Variants in STAU2 observed in about 807,000 individuals in gnomAD.
The protein encoded by STAU2 is staufen double-stranded RNA binding protein 2, also known as double-stranded RNA-binding protein Staufen homolog 2.
Under a neutral mutation model 65.9 loss-of-function variants are expected in STAU2, and 20 were observed. The observed-to-expected ratio is 0.30, with a 90% confidence interval of 0.21 to 0.44. The LOEUF is 0.44. Among genes scored for constraint, STAU2 ranks in the 20% least tolerant of loss-of-function variants. The pLI is 1.00. For synonymous variants in STAU2, 232 were observed against 233.9 expected, an observed-to-expected ratio of 0.99 and a Z score of 0.07; for missense variants, 558 against 683.9, an observed-to-expected ratio of 0.82 and a Z score of 2.05.
chr8:73,458,298 T>G (rs1175335927), intron 13 of STAU2, among the ~76,000 whole-genome samples: 2 of 152,246 alleles, frequency 1.3e-5, no homozygotes, highest in East Asian at 1.9e-4. Context: ...ATCTCATGGT[T>G]TCCACTTTGA....
intron 11 of STAU2, among the ~76,000 whole-genome samples, chr8:73,584,665 T>C (rs1810236661): frequency 6.6e-6 from 1 of 151,824 alleles, no homozygotes; most frequent in South Asian, 2.1e-4. Context: ...AAGAAAGGAA[T>C]GAGCAAAAAA....
intron 6 of STAU2, among the ~76,000 whole-genome samples, chr8:73,647,958 A>G (rs1458967566): frequency 1.3e-5 from 2 of 152,180 alleles, no homozygotes; most frequent in East Asian, 3.8e-4. Flanking sequence ...CAACACATAC[A>G]TTTACCAATG....
chr8:73,574,318 C>T (rs571756908), intron 12 of STAU2, among the ~76,000 whole-genome samples: 12 of 152,274 alleles, frequency 7.9e-5, no homozygotes, highest in African/African-American at 2.4e-4. Context: ...GGACTGTAAA[C>T]TAGTTCAACC....
At position 73,613,764 on chromosome 8, in the gene STAU2, G is replaced by GT; in HGVS notation, c.870dup (p.Arg291ThrfsTer3). The GT allele has an allele frequency of 6.2e-7, 1 of 1,611,062 alleles. No homozygotes were observed. On this transcript the variant is annotated frameshift_variant, in exon 9 of 15. Transcript: ENST00000524300. LOFTEE classifies it high-confidence loss of function. Reference sequence around the variant, plus strand: ...CTTACCTTTACTATTGTTTTAGGGCGTTTTTTAAAAAATAGTTTTGGCTTT... The same window carrying GT: ...CTTACCTTTACTATTGTTTTAGGGCGTTTTTTTAAAAAATAGTTTTGGCTTT...
intron 5 of STAU2, among the ~76,000 whole-genome samples, chr8:73,687,387 TA>T (rs1253395990): frequency 9.3e-6 from 1 of 107,758 alleles, no homozygotes; most frequent in Non-Finnish European, 2.0e-5. Flanking sequence ...TTTATATTTA[TA>T]AAAATAATAT....
chr8:73,626,234 T>C (rs1003168608), intron 6 of STAU2, among the ~76,000 whole-genome samples: 1 of 152,160 alleles, frequency 6.6e-6, no homozygotes, highest in African/African-American at 2.4e-5. Context: ...ATTCTAGGCA[T>C]GGAAATGCCA....
intron 13 of STAU2, among the ~76,000 whole-genome samples, chr8:73,489,430 T>C (rs756700889): frequency 4.6e-5 from 7 of 152,012 alleles, no homozygotes; most frequent in Non-Finnish European, 1.0e-4. Flanking sequence ...CTTAATCTAA[T>C]GTACCGTTGT....
chr8:73,591,900 AAAAAAAAAAAAAAAC>A (rs1167199339), intron 11 of STAU2, among the ~76,000 whole-genome samples: 4 of 145,226 alleles, frequency 2.8e-5, no homozygotes, highest in East Asian at 2.0e-4. Flanking sequence ...AAAAAAAAAA[AAAAAAAAAAAAAAAC>A]AAGAGAGAGA....
At chr8:73,707,495 G>A (rs555932019) in intron 4 of STAU2, among the ~76,000 whole-genome samples, 6 of 152,270 alleles carry the variant, frequency 3.9e-5, no homozygotes, top group African/African-American at 1.4e-4. Flanking sequence ...ATCTATTTAA[G>A]TGTTGAAATC....
intron 13 of STAU2, among the ~76,000 whole-genome samples, chr8:73,474,823 G>A (rs562360419): frequency 1.1e-4 from 16 of 152,228 alleles, no homozygotes; most frequent in African/African-American, 2.9e-4. Flanking sequence ...GGGTACACAC[G>A]TTCACCAAAA....
At chr8:73,715,454 AAAAAAAAAAAAAG>A (rs1821188251) in intron 3 of STAU2, among the ~76,000 whole-genome samples, 1 of 143,680 alleles carries the variant, frequency 7.0e-6, no homozygotes, top group African/African-American at 2.6e-5. Flanking sequence ...AGACTGTCAA[AAAAAAAAAAAAAG>A]AAAGAAAGAA....
chr8:73,541,854 T>C (rs1464601374), intron 13 of STAU2, among the ~76,000 whole-genome samples: 2 of 152,006 alleles, frequency 1.3e-5, no homozygotes, highest in Non-Finnish European at 2.9e-5. Flanking sequence ...GAAGAATCTG[T>C]AAGAATCCAA....
At chr8:73,685,381 CTT>C (rs1291568249) in intron 5 of STAU2, among the ~76,000 whole-genome samples, 18 of 139,350 alleles carry the variant, frequency 1.3e-4, no homozygotes, top group Middle Eastern at 3.7e-3. Flanking sequence ...CTTTTTTTTT[CTT>C]TTTTTTTTTT....
Position 73,422,720 on chromosome 8 carries a change from C to T in STAU2, c.1531-18G>A. 1 of 1,407,358 alleles carries T rather than the reference C, an allele frequency of 7.1e-7. No individual in the cohort carries two copies. The highest frequency in any genetic ancestry group is 9.3e-7 in the Non-Finnish European group (1 of 1,072,978). The allele number at this position is 1,407,358 out of a possible 1,614,324, so 87.2% of individuals were successfully genotyped here. A position where few individuals can be genotyped will look rare whatever the true frequency, so the allele number is the denominator to read the frequency against. ...AAGGCTGCCTAAAAATGAAAACAAA[C>T]AGAGAGAGCCATTCACTGACTCTAG... On this transcript the variant is annotated intron_variant, in intron 13 of 14. Coordinates refer to ENST00000524300, the MANE Select transcript of STAU2 (RefSeq NM_001164380.2).
chr8:73,571,713 C>A (rs1309975655), intron 12 of STAU2, among the ~76,000 whole-genome samples: 4 of 152,128 alleles, frequency 2.6e-5, no homozygotes, highest in Non-Finnish European at 5.9e-5. Context: ...AACAAAGACA[C>A]AACATACCAG....
intron 12 of STAU2, among the ~76,000 whole-genome samples, chr8:73,564,176 G>A (rs1213261935): frequency 6.6e-6 from 1 of 152,140 alleles, no homozygotes; most frequent in African/African-American, 2.4e-5. Context: ...CTTCCCAAGG[G>A]ACTAATTTTT....
intron 13 of STAU2, among the ~76,000 whole-genome samples, chr8:73,463,450 A>G (rs866586072): frequency 6.6e-6 from 1 of 152,250 alleles, no homozygotes; most frequent in South Asian, 2.1e-4. Context: ...TTGTTCATAA[A>G]GGATACTGCT....
intron 1 of STAU2, among the ~76,000 whole-genome samples, chr8:73,743,380 T>C (rs769954895): frequency 2.0e-5 from 3 of 152,160 alleles, no homozygotes; most frequent in Non-Finnish European, 4.4e-5. Flanking sequence ...TACAGTCACA[T>C]TGCTAGGTTT....
intron 13 of STAU2, among the ~76,000 whole-genome samples, chr8:73,478,514 C>T (rs1310261406): frequency 1.3e-5 from 2 of 151,652 alleles, no homozygotes; most frequent in African/African-American, 4.8e-5. Context: ...TTTTTTATAC[C>T]TTGTCATTAA....
Sources: gnomAD v4.1 joint callset for allele counts (sites outside exome capture counted in the v4.1 genomes callset) on GRCh38, gnomAD v4.1.1 for gene constraint, MANE v1.5 for transcripts, NCBI Gene and HGNC (gene_info 2026-07-23, HGNC 2026-07-21) for gene names.